The following JARID2 variants were observed in gnomAD, a reference collection of about 807,000 sequenced individuals.
The protein encoded by JARID2 is protein Jumonji.
A neutral mutation model predicts 125.6 loss-of-function variants in JARID2; 21 were observed. That is an observed-to-expected ratio of 0.17 (90% CI 0.12 to 0.24). JARID2 has a LOEUF of 0.24. Among genes scored for constraint, JARID2 ranks in the 10% least tolerant of loss-of-function variants. The pLI is 1.00. For synonymous variants in JARID2, 736 were observed against 661.6 expected (o/e 1.11, Z -1.73); for missense variants, 1,303 against 1,639.6 (o/e 0.79, Z 3.55).
At chr6:15,504,134 A>T (rs1173071871) in intron 8 of JARID2, among the ~76,000 whole-genome samples, 1 of 109,998 alleles carries the variant, frequency 9.1e-6, no homozygotes, top group African/African-American at 3.1e-5. Context: ...GCTGGCCCGC[A>T]GCAGCCTTTG....
chr6:15,379,452 A>G (rs954286290), intron 2 of JARID2, among the ~76,000 whole-genome samples: 4 of 152,226 alleles, frequency 2.6e-5, no homozygotes, highest in South Asian at 2.1e-4. Flanking sequence ...GGCTAAAATT[A>G]GGGACATTTA....
chr6:15,373,264 GTC>G (rs1451442215), intron 1 of JARID2, among the ~76,000 whole-genome samples: 1 of 152,130 alleles, frequency 6.6e-6, no homozygotes, highest in East Asian at 1.9e-4. Flanking sequence ...TCTGTCTCAA[GTC>G]TCTGTATAAT....
intron 1 of JARID2, among the ~76,000 whole-genome samples, chr6:15,272,039 C>T (rs973948494): frequency 4.6e-5 from 7 of 151,996 alleles, no homozygotes; most frequent in East Asian, 1.9e-4. Flanking sequence ...GCATGAGAAT[C>T]GCTTGAACCC....
chr6:15,487,841 G>T (rs1769957480), intron 6 of JARID2, among the ~76,000 whole-genome samples: 1 of 149,636 alleles, frequency 6.7e-6, no homozygotes, highest in Non-Finnish European at 1.5e-5. Flanking sequence ...CAGATGAGCG[G>T]TAGAGTGGCA....
At chr6:15,503,972 C>T (rs1053416439) in intron 8 of JARID2, among the ~76,000 whole-genome samples, 2 of 152,276 alleles carry the variant, frequency 1.3e-5, no homozygotes, top group African/African-American at 2.4e-5. Flanking sequence ...GACCAGGTCG[C>T]AACCTCAGTG....
At chr6:15,513,448 C>T (rs1288205478) in intron 16 of JARID2, 26 bp downstream of exon 16, 6 of 1,568,060 alleles carry the variant, frequency 3.8e-6, no homozygotes, top group Admixed American at 1.7e-5. Context: ...CCTGCCGGCG[C>T]CCTCGCATGT....
intron 2 of JARID2, among the ~76,000 whole-genome samples, chr6:15,403,733 C>T (rs763279328): frequency 2.7e-5 from 4 of 149,222 alleles, no homozygotes; most frequent in South Asian, 2.1e-4. Flanking sequence ...GAAGGTGTGT[C>T]GTGGGGGCGG....
At chr6:15,400,793 C>G (rs1007646444) in intron 2 of JARID2, 1 of 985,266 alleles carries the variant, frequency 1.0e-6, no homozygotes, top group Non-Finnish European at 1.2e-6. Context: ...CTGTTCTGGC[C>G]GTCCTATTGC....
At chr6:15,332,930 CTTTTCTTTTTTTTTTTT>C (rs1031827124) in intron 1 of JARID2, among the ~76,000 whole-genome samples, 37 of 82,822 alleles carry the variant, frequency 4.5e-4, no homozygotes, top group Non-Finnish European at 7.6e-4. Context: ...CTTTTCTTTT[CTTTTCTTTTTTTTTTTT>C]TTTTTTTTTT....
At chr6:15,367,619 C>T (rs1239622330) in intron 1 of JARID2, among the ~76,000 whole-genome samples, 3 of 152,160 alleles carry the variant, frequency 2.0e-5, no homozygotes, top group Non-Finnish European at 4.4e-5. Flanking sequence ...GCCACATTTG[C>T]GTCAAGACTC....
intron 8 of JARID2, among the ~76,000 whole-genome samples, chr6:15,503,994 C>G (rs1042858851): frequency 6.6e-6 from 1 of 152,210 alleles, no homozygotes; most frequent in African/African-American, 2.4e-5. Flanking sequence ...AGGCTGCTGC[C>G]CTGGCAGGTG....
At chr6:15,398,727 G>C (rs983997728) in intron 2 of JARID2, among the ~76,000 whole-genome samples, 1 of 152,142 alleles carries the variant, frequency 6.6e-6, no homozygotes, top group Non-Finnish European at 1.5e-5. Context: ...TAATTGACTA[G>C]AATAGGAGGA....
At chr6:15,426,315 C>G (rs1348154708) in intron 3 of JARID2, among the ~76,000 whole-genome samples, 2 of 152,190 alleles carry the variant, frequency 1.3e-5, no homozygotes, top group Non-Finnish European at 2.9e-5. Flanking sequence ...ATGGACTTCA[C>G]AAGCTGGCTG....
chr6:15,503,108 TA>T (rs1233593281), intron 8 of JARID2, among the ~76,000 whole-genome samples: 1 of 152,192 alleles, frequency 6.6e-6, no homozygotes, highest in African/African-American at 2.4e-5. Context: ...CACGGAAATA[TA>T]GTGGAGCTCT....
Position 15,308,481 on chromosome 6 carries a change from T to G in JARID2, c.45+61897T>G, listed in dbSNP as rs144250727. Among the ~76,000 whole-genome samples, 411 of 152,322 alleles carry G rather than the reference T, an allele frequency of 2.7e-3. 1 individual carries two copies. The highest frequency in any genetic ancestry group is 9.4e-3 in the African/African-American group (390 of 41,578). On this transcript the variant is annotated intron_variant, in intron 1 of 17. Coordinates refer to ENST00000341776, the MANE Select transcript of JARID2 (RefSeq NM_004973.4). ...TAAATGTAATGCTTTCTTCATTCCC[T>G]TACTTCCCTTTAAAATCTTGCATAT...
intron 1 of JARID2, among the ~76,000 whole-genome samples, chr6:15,283,180 G>A (rs9370811): frequency 0.11 from 16,199 of 149,552 alleles, 944 homozygotes; most frequent in East Asian, 0.18. Context: ...GGGTTTCACC[G>A]TGTTAGCCAG....
intron 1 of JARID2, among the ~76,000 whole-genome samples, chr6:15,284,268 TTTC>T (rs1294320618): frequency 1.3e-5 from 2 of 152,212 alleles, no homozygotes; most frequent in Non-Finnish European, 1.5e-5. Context: ...TCAAAAATGA[TTTC>T]TTCTTTCAGC....
At position 15,520,884 on chromosome 6, in the gene JARID2, C is replaced by G; in HGVS notation, c.*633C>G. 1 of 455,266 alleles carries G rather than the reference C, an allele frequency of 2.2e-6. No homozygotes were observed. Among genetic ancestry groups the G allele is most frequent in the Non-Finnish European group, 4.4e-6 (1 of 226,406 alleles). 28.2% of individuals were successfully genotyped at this position (455,266 alleles called of 1,614,324 possible). On this transcript the variant is annotated 3_prime_UTR_variant, in exon 18 of 18. Transcript: ENST00000341776. ...AGACGGGAGCGAGTGGGCTCTCCAC[C>G]AGCACATCACTATGCATCTGTTCCA...
chr6:15,263,724 C>A (rs534256445), intron 1 of JARID2, among the ~76,000 whole-genome samples: 2 of 151,814 alleles, frequency 1.3e-5, no homozygotes, highest in African/African-American at 4.8e-5. Context: ...TCCAGAGTAG[C>A]CAGGATTACA....
Sources: gnomAD v4.1 joint callset for allele counts (sites outside exome capture counted in the v4.1 genomes callset) on GRCh38, gnomAD v4.1.1 for gene constraint, MANE v1.5 for transcripts, NCBI Gene and HGNC (gene_info 2026-07-23, HGNC 2026-07-21) for gene names.